The following PCDHGA3 variants were observed in gnomAD, a reference collection of about 807,000 sequenced individuals.
PCDHGA3 encodes the protein protocadherin gamma-A3.
In PCDHGA3, 40 loss-of-function variants were observed where a neutral mutation model predicts 58.5. The ratio of observed to expected loss-of-function variants is 0.68; its 90% CI spans 0.53 to 0.89. PCDHGA3 has a LOEUF of 0.89. Ranked by LOEUF, PCDHGA3 falls within the 40% of genes least tolerant of loss-of-function variation. The pLI, the probability that PCDHGA3 is intolerant of heterozygous loss-of-function variation, is 0.00. For synonymous variants in PCDHGA3, 530 were observed against 525.7 expected (o/e 1.01, Z -0.11); for missense variants, 1,223 against 1,195.9 (o/e 1.02, Z -0.33).
chr5:141,384,649 C>T lies in PCDHGA3; in HGVS notation c.2424+38192C>T, dbSNP rs778822731. ...GGAGCTGGCACCCCGCTCCGCAGAGCCCGGCTACCTGGTGACCAAGGTGGT... is the reference window on the plus strand; with the variant it reads ...GGAGCTGGCACCCCGCTCCGCAGAGTCCGGCTACCTGGTGACCAAGGTGGT... On this transcript the variant is annotated intron_variant, in intron 1 of 3. Transcript: ENST00000253812. The T allele has an allele frequency of 3.7e-5, 60 of 1,614,114 alleles. No homozygotes were observed. The Middle Eastern group carries it at 4.9e-4, about 13-fold the overall frequency.
chr5:141,465,483 A>T (rs1279787337), intron 1 of PCDHGA3, among the ~76,000 whole-genome samples: 1 of 152,236 alleles, frequency 6.6e-6, no homozygotes, highest in Non-Finnish European at 1.5e-5. Flanking sequence ...TCATGAGAGG[A>T]ATGAGCGGGA....
At chr5:141,404,382 A>G (rs765708858) in intron 1 of PCDHGA3, 27 of 1,613,860 alleles carry the variant, frequency 1.7e-5, no homozygotes, top group South Asian at 1.2e-4. Context: ...GTGATTGCCT[A>G]TGACCCTGAT....
rs1232672788 is a variant in PCDHGA3, at chr5:141,431,315, G to A, written c.2425-63492G>A. The A allele has an allele frequency of 6.2e-7, 1 of 1,614,080 alleles. No individual in the cohort carries two copies. Among genetic ancestry groups the A allele is most frequent in the South Asian group, 1.1e-5 (1 of 91,078 alleles). On this transcript the variant is annotated intron_variant, in intron 1 of 3. Coordinates refer to ENST00000253812, the MANE Select transcript of PCDHGA3 (RefSeq NM_018916.4). The surrounding 1 kb of genome is among the most constrained non-coding windows in gnomAD (Gnocchi z 4.8). ...CTTCTCCCTCATCGTGCAAAATGGAGCCGACGGTAGTAAGTACCCCGAATT... is the reference window on the plus strand; with the variant it reads ...CTTCTCCCTCATCGTGCAAAATGGAACCGACGGTAGTAAGTACCCCGAATT...
chr5:141,409,714 C>T (rs1053132512), intron 1 of PCDHGA3: 1 of 1,613,226 alleles, frequency 6.2e-7, no homozygotes, highest in Non-Finnish European at 8.5e-7. Flanking sequence ...TGTCGTCATA[C>T]GTGTCAGTGA....
chr5:141,418,264 A>C, intron 1 of PCDHGA3: 1 of 1,614,082 alleles, frequency 6.2e-7, no homozygotes, highest in Non-Finnish European at 8.5e-7. Flanking sequence ...AATTCCGGAA[A>C]GATGAAATAA....
At chr5:141,350,005 G>T (rs1394190950) in intron 1 of PCDHGA3, 3 of 347,514 alleles carry the variant, frequency 8.6e-6, no homozygotes. Flanking sequence ...TAAAAAGCTG[G>T]GCCCTGTGCA....
At chr5:141,367,353 A>G (rs1305190265) in intron 1 of PCDHGA3, 2 of 152,196 alleles carry the variant, frequency 1.3e-5, no homozygotes, top group Non-Finnish European at 2.9e-5. Context: ...CCTGGCTAAC[A>G]CGGTGAAACC....
chr5:141,370,380 G>C (rs1407234552), intron 1 of PCDHGA3: 1 of 1,532,358 alleles, frequency 6.5e-7, no homozygotes, highest in Non-Finnish European at 8.8e-7. Context: ...GAAAGGCAAA[G>C]GCGCAGAGAG....
intron 1 of PCDHGA3, chr5:141,418,549 C>T: frequency 6.2e-7 from 1 of 1,614,024 alleles, no homozygotes; most frequent in Non-Finnish European, 8.5e-7. Context: ...AGATAAGAAT[C>T]CTGGTAATAG....
chr5:141,494,950 A>T, intron 2 of PCDHGA3, 85 bp downstream of exon 2: 2 of 1,607,070 alleles, frequency 1.2e-6, no homozygotes, highest in African/African-American at 2.7e-5. Context: ...AGGGCCCAGC[A>T]TTTGCTACAG....
In PCDHGA3 at chr5:141,491,958, A is replaced by C; in HGVS notation, c.2425-2849A>C. The C allele has an allele frequency of 2.0e-6, 2 of 999,758 alleles. No homozygotes were observed. Among genetic ancestry groups the C allele is most frequent in the Non-Finnish European group, 2.8e-6 (2 of 718,534 alleles). The allele number at this position is 999,758 out of a possible 1,614,324, so 61.9% of individuals were successfully genotyped here. The stretch of plus-strand genomic sequence containing the variant: ...ACCGACCCCCACCCCTACACTCAAA[A>C]AAGGCCGGGGCCTCCTTCGAGCTTC... On this transcript the variant is annotated intron_variant, in intron 1 of 3. Coordinates refer to ENST00000253812, the MANE Select transcript of PCDHGA3 (RefSeq NM_018916.4). The surrounding 1 kb of genome is among the most constrained non-coding windows in gnomAD (Gnocchi z 6.9).
chr5:141,357,033 C>T (rs1760437064), intron 1 of PCDHGA3: 2 of 1,614,068 alleles, frequency 1.2e-6, no homozygotes. Flanking sequence ...TACTCAAGTC[C>T]AGCGAGCCGG....
At chr5:141,383,916 T>A in intron 1 of PCDHGA3, 1 of 1,613,968 alleles carries the variant, frequency 6.2e-7, no homozygotes, top group Non-Finnish European at 8.5e-7. Context: ...CAGTTTTAGA[T>A]GTAAATGATA....
chr5:141,360,927 G>T (rs1455731700), intron 1 of PCDHGA3: 1 of 1,613,866 alleles, frequency 6.2e-7, no homozygotes, highest in African/African-American at 1.3e-5. Flanking sequence ...TGCTTCAAGT[G>T]ACAGCCACCG....
In PCDHGA3 at chr5:141,476,966, G is replaced by C. The variant is rs780645226; in HGVS notation, c.2425-17841G>C. The C allele has an allele frequency of 1.2e-6, 2 of 1,614,152 alleles. No homozygotes were observed. Among genetic ancestry groups the C allele is most frequent in the Non-Finnish European group, 1.7e-6 (2 of 1,180,032 alleles). On this transcript the variant is annotated intron_variant, in intron 1 of 3. Coordinates refer to ENST00000253812, the MANE Select transcript of PCDHGA3 (RefSeq NM_018916.4). This position sits in a 1 kb window ranked among gnomAD's most constrained non-coding sequence, Gnocchi z 7.6. ...CAACGGTGAAATTATTTACTCCTTCGGCAGCCACAACCGCGCCGGCGTGCG... is the reference window on the plus strand; with the variant it reads ...CAACGGTGAAATTATTTACTCCTTCCGCAGCCACAACCGCGCCGGCGTGCG...
intron 1 of PCDHGA3, chr5:141,365,446 T>C: frequency 6.2e-7 from 1 of 1,614,030 alleles, no homozygotes; most frequent in Non-Finnish European, 8.5e-7. Flanking sequence ...TTAGCGTACA[T>C]GATGGTGATT....
intron 1 of PCDHGA3, chr5:141,392,681 G>A (rs892273174): frequency 9.7e-7 from 1 of 1,026,496 alleles, no homozygotes; most frequent in Non-Finnish European, 1.4e-6. Context: ...CTGGACTGCA[G>A]CGAAACCCGA....
chr5:141,453,930 T>G (rs944390811), intron 1 of PCDHGA3, among the ~76,000 whole-genome samples: 10 of 152,242 alleles, frequency 6.6e-5, no homozygotes, highest in Non-Finnish European at 1.0e-4. Flanking sequence ...AGTCACTGTG[T>G]GCCTATAATT....
intron 1 of PCDHGA3, among the ~76,000 whole-genome samples, chr5:141,363,216 T>A (rs1186029128): frequency 6.6e-6 from 1 of 152,230 alleles, no homozygotes; most frequent in African/African-American, 2.4e-5. Context: ...TTGAGAAAAA[T>A]CTTACAACCT....
Sources: gnomAD v4.1 joint callset for allele counts (sites outside exome capture counted in the v4.1 genomes callset) on GRCh38, gnomAD v4.1.1 for gene constraint, Gnocchi (gnomAD v3.1) non-coding constraint, MANE v1.5 for transcripts, NCBI Gene and HGNC (gene_info 2026-07-23, HGNC 2026-07-21) for gene names.